The following BBOX1 variants were observed in gnomAD, a reference collection of about 807,000 sequenced individuals.
BBOX1 encodes the protein gamma-butyrobetaine hydroxylase 1, also known as gamma-butyrobetaine dioxygenase.
BBOX1 carries 35 observed loss-of-function variants against 41.6 expected under a neutral mutation model. That is an observed-to-expected ratio of 0.84 (90% CI 0.64 to 1.11). BBOX1 has a LOEUF of 1.11. BBOX1 is among the 50% of genes most tolerant of loss of function. The pLI is 0.00. For missense variants in BBOX1, 458 were observed against 460.6 expected (o/e 0.99, Z 0.05); for synonymous variants, 163 against 154.7 (o/e 1.05, Z -0.40).
intron 4 of BBOX1, among the ~76,000 whole-genome samples, chr11:27,068,107 T>A (rs1857345137): frequency 6.6e-6 from 1 of 152,172 alleles, no homozygotes; most frequent in Non-Finnish European, 1.5e-5. Flanking sequence ...GTGGGATTCC[T>A]GGATTGAATA....
At chr11:27,059,171 C>A (rs1043517196) in intron 4 of BBOX1, among the ~76,000 whole-genome samples, 5 of 152,186 alleles carry the variant, frequency 3.3e-5, no homozygotes, top group African/African-American at 7.2e-5. Context: ...TGCTCCCACT[C>A]CAGCCTCGGC....
At chr11:27,055,697 G>A (rs1655428370) in intron 3 of BBOX1, 48 bp downstream of exon 3, 1 of 1,524,840 alleles carries the variant, frequency 6.6e-7, no homozygotes, top group African/African-American at 1.4e-5. Context: ...GTTCAATAAT[G>A]GGGCTAGTCA....
At chr11:27,090,529 A>G (rs971644055) in intron 4 of BBOX1, among the ~76,000 whole-genome samples, 3 of 152,018 alleles carry the variant, frequency 2.0e-5, no homozygotes, top group Admixed American at 6.6e-5. Context: ...CAAAAGCAGA[A>G]CTACTGGTAA....
chr11:27,061,751 A>G (rs746110268), intron 4 of BBOX1, among the ~76,000 whole-genome samples: 5 of 152,158 alleles, frequency 3.3e-5, no homozygotes, highest in Non-Finnish European at 5.9e-5. Context: ...GACAAGACAA[A>G]TGATCATCAT....
At chr11:27,067,709 C>T (rs1446588079) in intron 4 of BBOX1, among the ~76,000 whole-genome samples, 4 of 151,718 alleles carry the variant, frequency 2.6e-5, no homozygotes, top group South Asian at 2.1e-4. Flanking sequence ...TGCACTGAGC[C>T]GAGATCGCGC....
chr11:27,071,867 A>G (rs1329817867), intron 4 of BBOX1, among the ~76,000 whole-genome samples: 3 of 152,168 alleles, frequency 2.0e-5, no homozygotes, highest in African/African-American at 4.8e-5. Flanking sequence ...ACAAAATTCA[A>G]CAGCCCTTCA....
intron 4 of BBOX1, among the ~76,000 whole-genome samples, chr11:27,082,982 C>T (rs1222523767): frequency 5.3e-5 from 8 of 152,070 alleles, no homozygotes; most frequent in Non-Finnish European, 1.0e-4. Context: ...CAGAGTATGT[C>T]AGGTTACTAA....
intron 4 of BBOX1, among the ~76,000 whole-genome samples, chr11:27,089,416 T>A (rs1858157790): frequency 6.6e-6 from 1 of 151,976 alleles, no homozygotes; most frequent in Non-Finnish European, 1.5e-5. Flanking sequence ...AAAATCTTAA[T>A]AAATGCTCAT....
At chr11:27,044,882 T>C (rs1272042957) in intron 2 of BBOX1, among the ~76,000 whole-genome samples, 1 of 152,006 alleles carries the variant, frequency 6.6e-6, no homozygotes, top group Non-Finnish European at 1.5e-5. Flanking sequence ...CAGCTTTGTC[T>C]TTTTGCTTAG....
chr11:27,122,466 A>G (rs1231404047), intron 7 of BBOX1, among the ~76,000 whole-genome samples: 1 of 152,210 alleles, frequency 6.6e-6, no homozygotes, highest in East Asian at 1.9e-4. Context: ...AATGCAGAAT[A>G]CATTTTAGCT....
intron 7 of BBOX1, among the ~76,000 whole-genome samples, chr11:27,121,090 G>C (rs989261371): frequency 6.6e-6 from 1 of 152,150 alleles, no homozygotes; most frequent in East Asian, 1.9e-4. Context: ...CATTATTAAA[G>C]AGCGTGGTGA....
intron 4 of BBOX1, among the ~76,000 whole-genome samples, chr11:27,058,423 C>T (rs1857048381): frequency 6.6e-6 from 1 of 152,148 alleles, no homozygotes; most frequent in African/African-American, 2.4e-5. Context: ...TGAGGCATTG[C>T]TATAAAGATA....
chr11:27,115,030 T>G (rs1859206758), intron 5 of BBOX1, among the ~76,000 whole-genome samples: 1 of 151,826 alleles, frequency 6.6e-6, no homozygotes, highest in Admixed American at 6.6e-5. Context: ...TATAAACGTT[T>G]TGAAACTAGC....
chr11:27,052,215 T>G (rs193239041), intron 2 of BBOX1, among the ~76,000 whole-genome samples: 1 of 152,110 alleles, frequency 6.6e-6, no homozygotes, highest in African/African-American at 2.4e-5. Flanking sequence ...TTTGTGAGAA[T>G]ATAAACTGCA....
At chr11:27,126,665 TTTC>T (rs1859665061) in intron 8 of BBOX1, among the ~76,000 whole-genome samples, 1 of 130,984 alleles carries the variant, frequency 7.6e-6, no homozygotes, top group Admixed American at 9.6e-5. Context: ...AGAAGAAACA[TTTC>T]TTTTTTTTCT....
chr11:27,127,632 G>A lies in BBOX1; in HGVS notation c.*179G>A, dbSNP rs1859713674. ...CATATACAATGTCAACTTTTTAGAT[G>A]TTTCACCACTCTTTTGCAAATAAAG... On this transcript the variant is annotated 3_prime_UTR_variant, in exon 9 of 9. Transcript: ENST00000263182. The A allele has an allele frequency of 5.9e-6, 4 of 678,132 alleles. No individual in the cohort carries two copies. The highest frequency in any genetic ancestry group is 9.2e-6 in the Non-Finnish European group (4 of 434,270). 42.0% of individuals were successfully genotyped at this position (678,132 alleles called of 1,614,324 possible).
chr11:27,091,078 G>A (rs1350213384), intron 4 of BBOX1, among the ~76,000 whole-genome samples: 1 of 151,954 alleles, frequency 6.6e-6, no homozygotes, highest in Non-Finnish European at 1.5e-5. Flanking sequence ...AGAGATTAAA[G>A]TAAAGGCAGG....
At chr11:27,113,810 A>C (rs1859163784) in intron 5 of BBOX1, among the ~76,000 whole-genome samples, 1 of 147,350 alleles carries the variant, frequency 6.8e-6, no homozygotes, top group African/African-American at 2.5e-5. Flanking sequence ...CCTAAAAGTA[A>C]AAAAAAAAAA....
intron 4 of BBOX1, among the ~76,000 whole-genome samples, chr11:27,071,110 C>G (rs1857432014): frequency 6.6e-6 from 1 of 152,084 alleles, no homozygotes; most frequent in Non-Finnish European, 1.5e-5. Context: ...TGCGGTGGCT[C>G]ATGCCTATAA....
Sources: gnomAD v4.1 joint callset for allele counts (sites outside exome capture counted in the v4.1 genomes callset) on GRCh38, gnomAD v4.1.1 for gene constraint, MANE v1.5 for transcripts, NCBI Gene and HGNC (gene_info 2026-07-23, HGNC 2026-07-21) for gene names.